The following CNTNAP3 variants were observed in gnomAD, a reference collection of about 807,000 sequenced individuals.
CNTNAP3 encodes contactin-associated protein-like 3.
A neutral mutation model predicts 92.1 loss-of-function variants in CNTNAP3; 36 were observed. The ratio of observed to expected loss-of-function variants is 0.39; its 90% CI spans 0.30 to 0.52. CNTNAP3 has a LOEUF of 0.52. CNTNAP3 is among the 20% of genes least tolerant of loss of function. CNTNAP3 has a pLI of 0.76. For synonymous variants in CNTNAP3, 232 were observed against 422.3 expected (o/e 0.55, Z 5.53); for missense variants, 534 against 1,069.6 (o/e 0.50, Z 6.98).
rs747710479 is a variant in CNTNAP3 at position 39,151,228 on chromosome 9, TG to T, written c.1478-1252del. Among the ~76,000 whole-genome samples the T allele has an allele frequency of 4.5e-4, 62 of 138,154 alleles. 2 individuals carry two copies. The highest frequency in any genetic ancestry group is 8.4e-4 in the Non-Finnish European group (54 of 64,126). 90.6% of individuals were successfully genotyped at this position (138,154 alleles called of 152,430 possible). A position where few individuals can be genotyped will look rare whatever the true frequency, so the allele number is the denominator to read the frequency against. ...GGTTTTGTGGGTCACACCTGGTTTCTGTTGCATGTCCTTCTTGTTATAACCC... is the reference window on the plus strand; with the variant it reads ...GGTTTTGTGGGTCACACCTGGTTTCTTTGCATGTCCTTCTTGTTATAACCC... On this transcript the variant is annotated intron_variant, in intron 9 of 23. Coordinates refer to ENST00000297668, the MANE Select transcript of CNTNAP3 (RefSeq NM_033655.5).
At chr9:39,107,899 GAAT>G (rs1826645768) in intron 15 of CNTNAP3, among the ~76,000 whole-genome samples, 1 of 152,094 alleles carries the variant, frequency 6.6e-6, no homozygotes, top group Admixed American at 6.5e-5. Flanking sequence ...AAAATTAACA[GAAT>G]AATTAATGCC....
At position 39,103,780 on chromosome 9, in the gene CNTNAP3, G is replaced by T. The variant is rs1826526377; in HGVS notation, c.2500C>A (p.Leu834Met). The T allele has an allele frequency of 6.2e-7, 1 of 1,611,156 alleles. No individual in the cohort carries two copies. Among genetic ancestry groups the T allele is most frequent in the African/African-American group, 1.3e-5 (1 of 74,836 alleles). Residue 834 changes from leucine (L) to methionine (M), a missense_variant, in exon 16 of 24, where the codon CTG becomes ATG. Physicochemically the swap from Leu to Met is conservative, Grantham distance 15. Transcript: ENST00000297668. ...TVSSGVFMEN[L>M]GITDFIRIEL... is the part of the protein sequence containing the mutation. ...ATCCTGATGAAATCTGTGATCCCCA[G>T]GTTCTCCATAAACACCCCGGAGGAA... is the stretch of plus-strand genomic sequence containing the variant.
At chr9:39,084,360 T>A (rs1392520750) in intron 21 of CNTNAP3, among the ~76,000 whole-genome samples, 4 of 151,480 alleles carry the variant, frequency 2.6e-5, no homozygotes, top group African/African-American at 7.3e-5. Context: ...GCCCGGCTAA[T>A]TTTTTTTGTA....
chr9:39,152,772 C>T (rs1222311951), intron 9 of CNTNAP3, among the ~76,000 whole-genome samples: 1 of 137,272 alleles, frequency 7.3e-6, no homozygotes, highest in Non-Finnish European at 1.5e-5. Context: ...TCTCCTGCCT[C>T]AGCCTCCCGA....
At chr9:39,120,915 A>G (rs1821004479) in intron 13 of CNTNAP3, among the ~76,000 whole-genome samples, 1 of 152,180 alleles carries the variant, frequency 6.6e-6, no homozygotes, top group Non-Finnish European at 1.5e-5. Context: ...GTAATACCAT[A>G]TGATACTCAA....
chr9:39,087,615 T>C (rs1826092121), intron 19 of CNTNAP3, among the ~76,000 whole-genome samples: 1 of 152,108 alleles, frequency 6.6e-6, no homozygotes, highest in South Asian at 2.1e-4. Flanking sequence ...GCCTCCCGAG[T>C]AGCTGGGACT....
chr9:39,135,957 A>G (rs552604976), intron 12 of CNTNAP3, among the ~76,000 whole-genome samples: 1 of 151,700 alleles, frequency 6.6e-6, no homozygotes, highest in Non-Finnish European at 1.5e-5. Flanking sequence ...GTAAAACCCT[A>G]TCTCTACTAA....
intron 4 of CNTNAP3, among the ~76,000 whole-genome samples, chr9:39,179,666 T>G (rs536422763): frequency 4.9e-3 from 5 of 1,020 alleles, no homozygotes; most frequent in Non-Finnish European, 9.7e-3. Flanking sequence ...AAATCTCTTC[T>G]TTTTAAAAGT....
chr9:39,129,418 A>C (rs1821224230), intron 13 of CNTNAP3, among the ~76,000 whole-genome samples: 1 of 152,166 alleles, frequency 6.6e-6, no homozygotes, highest in Non-Finnish European at 1.5e-5. Flanking sequence ...GAGCAACTGA[A>C]CATTCATAGT....
Position 39,073,540 on chromosome 9 carries a change from A to G in CNTNAP3, c.*350T>C, listed in dbSNP as rs1825675153. 1 of 391,664 alleles carries G rather than the reference A, an allele frequency of 2.6e-6. No individual in the cohort carries two copies. Among genetic ancestry groups the G allele is most frequent in the Non-Finnish European group, 4.7e-6 (1 of 212,612 alleles). 24.3% of individuals were successfully genotyped at this position (391,664 alleles called of 1,614,324 possible). A position where few individuals can be genotyped will look rare whatever the true frequency, so the allele number is the denominator to read the frequency against. Reference sequence around the variant, plus strand: ...GCCACAGCTTTATAGCCATTTTCTCATCTAAAACCCCACAATTATTAACAC... The same window carrying G: ...GCCACAGCTTTATAGCCATTTTCTCGTCTAAAACCCCACAATTATTAACAC... On this transcript the variant is annotated 3_prime_UTR_variant, in exon 24 of 24. Coordinates refer to ENST00000297668, the MANE Select transcript of CNTNAP3 (RefSeq NM_033655.5).
rs540231440 is a variant in CNTNAP3, at chr9:39,119,448, C to T, written c.2081-1189G>A. 3.5e-3 allele frequency among the ~76,000 whole-genome samples: 530 copies of T among 150,824 alleles called. 4 individuals are homozygous for T. Among genetic ancestry groups the T allele is most frequent in the Middle Eastern group, 0.021 (6 of 286 alleles). Reference sequence around the variant, plus strand: ...ATGTGCTAAAACCTTGTCACTACAACGTAAAAGATATTTTTAAAAATTAAT... The same window carrying T: ...ATGTGCTAAAACCTTGTCACTACAATGTAAAAGATATTTTTAAAAATTAAT... On this transcript the variant is annotated intron_variant, in intron 13 of 23. Transcript: ENST00000297668.
At chr9:39,170,063 C>CA (rs1822230115) in intron 8 of CNTNAP3, among the ~76,000 whole-genome samples, 1 of 262 alleles carries the variant, frequency 3.8e-3, no homozygotes, top group Non-Finnish European at 6.3e-3. Context: ...TTTAACCTTT[C>CA]TTGGAAAAAA....
chr9:39,113,469 A>G (rs1167059189), intron 14 of CNTNAP3, among the ~76,000 whole-genome samples: 1 of 152,026 alleles, frequency 6.6e-6, no homozygotes, highest in Non-Finnish European at 1.5e-5. Context: ...ATACTGACTG[A>G]CCATAAATTC....
At chr9:39,095,363 T>C (rs994936963) in intron 18 of CNTNAP3, among the ~76,000 whole-genome samples, 9 of 151,696 alleles carry the variant, frequency 5.9e-5, no homozygotes, top group African/African-American at 2.2e-4. Context: ...AGTACTATGA[T>C]AAATAGAGGT....
chr9:39,135,729 C>T (rs1821414100), intron 12 of CNTNAP3, among the ~76,000 whole-genome samples: 1 of 152,090 alleles, frequency 6.6e-6, no homozygotes, highest in African/African-American at 2.4e-5. Flanking sequence ...CTTAAATCAG[C>T]CTACAGTTGG....
chr9:39,133,027 C>T lies in CNTNAP3; in HGVS notation c.1985G>A (p.Gly662Asp). ...CACCGCGGACCGCAGCTGCCCCGCG[C>T]CCGCTGCGTACGCGAAGGACACAGC... The part of the protein sequence containing the change: ...RSAVSFAYAA[G>D]AGQLRSAVNL... Residue 662 changes from glycine (G) to aspartate (D), a missense_variant, in exon 13 of 24, where the codon GGC becomes GAC. Transcript: ENST00000297668. The T allele has an allele frequency of 3.9e-6, 6 of 1,544,060 alleles. No individual in the cohort carries two copies. Among genetic ancestry groups the T allele is most frequent in the East Asian group, 2.4e-5 (1 of 42,164 alleles).
chr9:39,093,824 G>A (rs1224289991), intron 18 of CNTNAP3, among the ~76,000 whole-genome samples: 1 of 151,182 alleles, frequency 6.6e-6, no homozygotes, highest in Non-Finnish European at 1.5e-5. Context: ...ATGAACATTT[G>A]TATACAAGTA....
At chr9:39,103,356 C>CA (rs1373957186) in intron 16 of CNTNAP3, among the ~76,000 whole-genome samples, 1 of 152,102 alleles carries the variant, frequency 6.6e-6, no homozygotes, top group Non-Finnish European at 1.5e-5. Context: ...CCGAGGCAGG[C>CA]AGATCACTTG....
rs7027598 is a variant in CNTNAP3 at position 39,287,101 on chromosome 9, C to A, written c.85+879G>T. Among the ~76,000 whole-genome samples the A allele has an allele frequency of 3.5e-5, 2 of 57,938 alleles. 1 individual carries two copies. The highest frequency in any genetic ancestry group is 7.9e-5 in the African/African-American group (2 of 25,364). 38.0% of individuals were successfully genotyped at this position (57,938 alleles called of 152,430 possible). ...ATCAAGAAAGAAAGACAACTCTCTG[C>A]TAGAGATTTACTCCAAGCCAAAAAA... On this transcript the variant is annotated intron_variant, in intron 1 of 23. Transcript: ENST00000297668.
Sources: allele counts gnomAD v4.1 joint callset (sites outside exome capture counted in the v4.1 genomes callset), GRCh38; gene constraint gnomAD v4.1.1; transcripts MANE v1.5; gene names NCBI Gene and HGNC (gene_info 2026-07-23, HGNC 2026-07-21).